ATL3: variants seen among roughly 807,000 people sequenced by gnomAD.
ATL3 encodes atlastin GTPase 3.
Under a neutral mutation model 69.5 loss-of-function variants are expected in ATL3, and 49 were observed. The ratio of observed to expected loss-of-function variants is 0.71; its 90% CI spans 0.56 to 0.89. The LOEUF (loss-of-function observed/expected upper bound fraction) is 0.89, where lower values mean the gene tolerates loss of function less well. ATL3 is among the 40% of genes least tolerant of loss of function. The pLI, the probability that ATL3 is intolerant of heterozygous loss-of-function variation, is 0.00. For synonymous variants in ATL3, 214 were observed against 224.1 expected (o/e 0.95, Z 0.40); for missense variants, 606 against 645.7 (o/e 0.94, Z 0.67).
In ATL3 at chr11:63,631,450, A is replaced by G; in HGVS notation, c.1129T>C (p.Tyr377His). ...MEEVCGGEKPYLSPDILEEKH... is the reference protein window; with the variant it reads ...MEEVCGGEKPHLSPDILEEKH... ...TCCTCTAGAATGTCTGGAGACAAAT[A>G]AGGTTTCTCTCCCCCACAAACCTAA... Residue 377 changes from tyrosine (Y) to histidine (H), a missense_variant, in exon 12 of 13, where the codon TAT becomes CAT. By Grantham distance (83) the Tyr-to-His change is moderately conservative. Transcript: ENST00000398868. 1 of 1,609,502 alleles carries G rather than the reference A, an allele frequency of 6.2e-7. No homozygotes were observed. The highest frequency in any genetic ancestry group is 8.5e-7 in the Non-Finnish European group (1 of 1,177,416).
intron 1 of ATL3, among the ~76,000 whole-genome samples, chr11:63,664,645 C>T (rs568969552): frequency 2.4e-4 from 36 of 147,398 alleles, no homozygotes; most frequent in African/African-American, 8.0e-4. Flanking sequence ...TTTTTTGAGA[C>T]GGAGTCTCGC....
intron 6 of ATL3, among the ~76,000 whole-genome samples, chr11:63,644,842 T>A (rs1565275130): frequency 6.6e-6 from 1 of 152,156 alleles, no homozygotes; most frequent in African/African-American, 2.4e-5. Flanking sequence ...AATGGTAAAT[T>A]TGGGACTCTG....
chr11:63,656,658 C>T (rs1176043625), intron 3 of ATL3, among the ~76,000 whole-genome samples: 2 of 149,734 alleles, frequency 1.3e-5, no homozygotes, highest in Non-Finnish European at 3.0e-5. Context: ...TGCTTGAACC[C>T]GGGAGGCAGA....
At chr11:63,663,546 T>C (rs1358631528) in intron 1 of ATL3, among the ~76,000 whole-genome samples, 1 of 152,248 alleles carries the variant, frequency 6.6e-6, no homozygotes, top group Non-Finnish European at 1.5e-5. Flanking sequence ...TCTTTCCTGT[T>C]ATTGCCTGGA....
intron 1 of ATL3, among the ~76,000 whole-genome samples, chr11:63,661,147 G>A (rs923844680): frequency 4.0e-5 from 6 of 151,510 alleles, no homozygotes; most frequent in African/African-American, 9.7e-5. Context: ...TGCTTGAACC[G>A]GGAGGCAGAA....
chr11:63,652,824 C>T (rs1312929168), intron 3 of ATL3, among the ~76,000 whole-genome samples: 1 of 152,138 alleles, frequency 6.6e-6, no homozygotes, highest in Non-Finnish European at 1.5e-5. Context: ...TTGAAACAGA[C>T]AAAAGTTGAA....
intron 4 of ATL3, 78 bp downstream of exon 4, chr11:63,652,393 G>T: frequency 2.2e-6 from 2 of 915,070 alleles, no homozygotes; most frequent in Non-Finnish European, 1.6e-6. Context: ...TCTGTTAACA[G>T]AACAATAACC....
chr11:63,634,212 A>AG (rs1238469840), intron 10 of ATL3, among the ~76,000 whole-genome samples: 1 of 150,032 alleles, frequency 6.7e-6, no homozygotes, highest in Non-Finnish European at 1.5e-5. Context: ...AAGAAGAAGA[A>AG]GAAAAAAAAG....
Position 63,631,116 on chromosome 11 carries a change from C to A in ATL3, c.1463G>T (p.Gly488Val). 6.2e-7 allele frequency: 1 copy of A among 1,614,164 alleles called. No individual in the cohort carries two copies. The highest frequency in any genetic ancestry group is 1.3e-5 in the African/African-American group (1 of 75,022). ...GLLLIALLTWGYIRYSGQYRE... is the reference protein window; with the variant it reads ...GLLLIALLTWVYIRYSGQYRE... ...ATATTGACCAGAATACCTGATGTAG[C>A]CCCAGGTGAGGAGTGCTATTAACAG... The change falls in exon 12 of 13, where the codon GGC becomes GTC. Residue 488 changes from glycine to valine, a missense_variant. By Grantham distance (109) the Gly-to-Val change is moderately radical. Transcript: ENST00000398868.
chr11:63,670,559 T>A (rs1489041504), intron 1 of ATL3: 1 of 152,258 alleles, frequency 6.6e-6, no homozygotes, highest in African/African-American at 2.4e-5. Context: ...GATCCGTGAA[T>A]ACACGGTGAC....
At chr11:63,635,934 T>A (rs1171387851) in intron 9 of ATL3, among the ~76,000 whole-genome samples, 1 of 147,206 alleles carries the variant, frequency 6.8e-6, no homozygotes, top group Non-Finnish European at 1.5e-5. Context: ...CCTAACCACC[T>A]CCTGTCCACA....
intron 3 of ATL3, among the ~76,000 whole-genome samples, chr11:63,657,766 A>T (rs1055646411): frequency 7.9e-5 from 12 of 152,194 alleles, no homozygotes; most frequent in Non-Finnish European, 1.5e-4. Flanking sequence ...TTGAAAAAAA[A>T]TTTCAGAAAA....
Position 63,636,683 on chromosome 11 carries a change from G to A in ATL3, c.851-349C>T, listed in dbSNP as rs185166145. 5.8e-3 allele frequency among the ~76,000 whole-genome samples: 886 copies of A among 151,494 alleles called. 5 individuals are homozygous for A. Among genetic ancestry groups the A allele is most frequent in the African/African-American group, 0.021 (857 of 41,218 alleles). On this transcript the variant is annotated intron_variant, in intron 8 of 12. Coordinates refer to ENST00000398868, the MANE Select transcript of ATL3 (RefSeq NM_015459.5). ...GAACCCAGGAGGAGGAGGTTGCAGTGAGCCAAGATTGCACCATTGCACTCC... is the reference window on the plus strand; with the variant it reads ...GAACCCAGGAGGAGGAGGTTGCAGTAAGCCAAGATTGCACCATTGCACTCC...
chr11:63,664,994 A>G (rs1175495008), intron 1 of ATL3, among the ~76,000 whole-genome samples: 2 of 152,232 alleles, frequency 1.3e-5, no homozygotes, highest in Non-Finnish European at 2.9e-5. Context: ...TTGTCAGAGC[A>G]GTAGACATGG....
chr11:63,648,973 T>C (rs1415478704), intron 5 of ATL3, among the ~76,000 whole-genome samples: 1 of 151,866 alleles, frequency 6.6e-6, no homozygotes, highest in African/African-American at 2.4e-5. Context: ...CAAAAAAAAT[T>C]AGCCGGGTGT....
At chr11:63,634,845 C>T (rs2134470132) in intron 10 of ATL3, among the ~76,000 whole-genome samples, 2 of 151,942 alleles carry the variant, frequency 1.3e-5, no homozygotes, top group East Asian at 3.9e-4. Context: ...AGCAAGACCA[C>T]ATCCCTATTT....
rs967922992 is a variant in ATL3, at chr11:63,625,275, T to C, written c.*4044A>G. 6.6e-6 allele frequency: 1 copy of C among 152,168 alleles called. No individual in the cohort carries two copies. The highest frequency in any genetic ancestry group is 1.5e-5 in the Non-Finnish European group (1 of 68,038). The allele number at this position is 152,168 out of a possible 1,614,324, so 9.4% of individuals were successfully genotyped here. On this transcript the variant is annotated 3_prime_UTR_variant, in exon 13 of 13. Coordinates refer to ENST00000398868, the MANE Select transcript of ATL3 (RefSeq NM_015459.5). ...CTAGAATTTTGTTAAATAAAACATATGTAAGCCAGAATGACACAGCCATGT... is the reference window on the plus strand; with the variant it reads ...CTAGAATTTTGTTAAATAAAACATACGTAAGCCAGAATGACACAGCCATGT...
At chr11:63,671,243 G>T in intron 1 of ATL3, 47 bp downstream of exon 1, 1 of 1,543,196 alleles carries the variant, frequency 6.5e-7, no homozygotes, top group Non-Finnish European at 8.7e-7. Flanking sequence ...AGCAGGGAAG[G>T]CGGCGGGGGT....
intron 6 of ATL3, among the ~76,000 whole-genome samples, chr11:63,644,596 G>A (rs2134491164): frequency 6.6e-6 from 1 of 151,920 alleles, no homozygotes; most frequent in African/African-American, 2.4e-5. Flanking sequence ...TTGCTCTGTT[G>A]CCCAGGCTGG....
Sources: gnomAD v4.1 joint callset for allele counts (sites outside exome capture counted in the v4.1 genomes callset) on GRCh38, gnomAD v4.1.1 for gene constraint, MANE v1.5 for transcripts, NCBI Gene and HGNC (gene_info 2026-07-23, HGNC 2026-07-21) for gene names.